Variants in ADGRB3 observed in about 807,000 individuals in gnomAD.
ADGRB3 encodes adhesion G protein-coupled receptor B3.
ADGRB3 carries 37 observed loss-of-function variants against 193.4 expected under a neutral mutation model. The ratio of observed to expected loss-of-function variants is 0.19; its 90% CI spans 0.15 to 0.25. The LOEUF (loss-of-function observed/expected upper bound fraction) is 0.25. Among genes scored for constraint, ADGRB3 ranks in the 10% least tolerant of loss-of-function variants. ADGRB3 has a pLI of 1.00. For missense variants in ADGRB3, 1,637 were observed against 1,852.9 expected (o/e 0.88, Z 2.14); for synonymous variants, 690 against 644.2 (o/e 1.07, Z -1.08).
chr6:68,774,239 T>G (rs1766694742), intron 3 of ADGRB3, among the ~76,000 whole-genome samples: 1 of 152,056 alleles, frequency 6.6e-6, no homozygotes, highest in African/African-American at 2.4e-5. Flanking sequence ...TATTATCAAG[T>G]CTTTGGTTCT....
chr6:69,117,809 G>T (rs1328983856), intron 17 of ADGRB3, among the ~76,000 whole-genome samples: 1 of 152,084 alleles, frequency 6.6e-6, no homozygotes, highest in African/African-American at 2.4e-5. Flanking sequence ...TTACACAGTG[G>T]TCTCCAAAGA....
intron 29 of ADGRB3, among the ~76,000 whole-genome samples, chr6:69,368,046 G>A (rs1050014800): frequency 1.2e-4 from 18 of 151,572 alleles, no homozygotes; most frequent in African/African-American, 4.1e-4. Context: ...CCTAATGCTA[G>A]ATGACGAGTT....
intron 17 of ADGRB3, among the ~76,000 whole-genome samples, chr6:69,078,200 T>C (rs560065845): frequency 6.6e-6 from 1 of 152,110 alleles, no homozygotes; most frequent in South Asian, 2.1e-4. Flanking sequence ...TTAATTTTGG[T>C]TTATCAAGTT....
intron 31 of ADGRB3, among the ~76,000 whole-genome samples, chr6:69,384,960 C>CTTTTTT (rs11397847): frequency 2.1e-5 from 3 of 141,714 alleles, no homozygotes; most frequent in Non-Finnish European, 3.0e-5. Flanking sequence ...CTTTTCTTTT[C>CTTTTTT]TTTTTTTTTT....
At chr6:69,069,141 T>A (rs1280242218) in intron 16 of ADGRB3, among the ~76,000 whole-genome samples, 2 of 152,100 alleles carry the variant, frequency 1.3e-5, no homozygotes, top group Non-Finnish European at 2.9e-5. Context: ...TAAGTATCAT[T>A]TAAAATACTA....
intron 3 of ADGRB3, among the ~76,000 whole-genome samples, chr6:68,897,864 A>AAAAG (rs1348938452): frequency 7.2e-6 from 1 of 138,322 alleles, no homozygotes; most frequent in Non-Finnish European, 1.6e-5. Flanking sequence ...AACAAAAGAA[A>AAAAG]AAAGAAAGAA....
intron 3 of ADGRB3, among the ~76,000 whole-genome samples, chr6:68,655,038 A>G (rs1001971913): frequency 1.3e-5 from 2 of 151,496 alleles, no homozygotes; most frequent in Non-Finnish European, 3.0e-5. Flanking sequence ...TATATTATGT[A>G]TTAATAAATT....
chr6:68,861,671 G>T (rs1004065517), intron 3 of ADGRB3, among the ~76,000 whole-genome samples: 1 of 152,162 alleles, frequency 6.6e-6, no homozygotes, highest in Non-Finnish European at 1.5e-5. Flanking sequence ...AAAATTAACT[G>T]CCTTCAGTTT....
intron 11 of ADGRB3, among the ~76,000 whole-genome samples, chr6:68,997,488 CAA>C (rs748557247): frequency 7.7e-5 from 4 of 52,178 alleles, no homozygotes; most frequent in Middle Eastern, 0.013. Flanking sequence ...ACTAAAAATA[CAA>C]AAAAAAAAAA....
chr6:69,031,301 G>A (rs914810254), intron 13 of ADGRB3, among the ~76,000 whole-genome samples: 1 of 151,250 alleles, frequency 6.6e-6, no homozygotes, highest in African/African-American at 2.4e-5. Context: ...TTAACCGGGC[G>A]CAGTGGTTGG....
chr6:69,268,359 G>T (rs1236827455), intron 20 of ADGRB3, among the ~76,000 whole-genome samples: 1 of 152,136 alleles, frequency 6.6e-6, no homozygotes, highest in Non-Finnish European at 1.5e-5. Context: ...TCCCCTCAAA[G>T]AACCTGCTTC....
intron 20 of ADGRB3, among the ~76,000 whole-genome samples, chr6:69,253,379 T>C (rs542281236): frequency 1.3e-5 from 2 of 152,240 alleles, no homozygotes; most frequent in East Asian, 1.9e-4. Context: ...ATTATATTGA[T>C]TGAATCTTCA....
chr6:68,857,254 A>T (rs961843252), intron 3 of ADGRB3, among the ~76,000 whole-genome samples: 1 of 152,210 alleles, frequency 6.6e-6, no homozygotes, highest in Non-Finnish European at 1.5e-5. Flanking sequence ...CTGTGAGAAG[A>T]GGGCCACTGT....
chr6:68,881,877 A>G (rs955101701), intron 3 of ADGRB3, among the ~76,000 whole-genome samples: 1 of 152,226 alleles, frequency 6.6e-6, no homozygotes, highest in Non-Finnish European at 1.5e-5. Flanking sequence ...AAAATATTGG[A>G]TACATATTTA....
intron 26 of ADGRB3, among the ~76,000 whole-genome samples, chr6:69,341,654 G>C (rs1480465152): frequency 6.6e-6 from 1 of 152,168 alleles, no homozygotes; most frequent in East Asian, 1.9e-4. Flanking sequence ...CAAAGGAGTA[G>C]AAATTAAGAG....
chr6:69,318,032 G>T (rs568152464), intron 20 of ADGRB3, among the ~76,000 whole-genome samples: 2 of 151,452 alleles, frequency 1.3e-5, no homozygotes, highest in Non-Finnish European at 3.0e-5. Flanking sequence ...CTAATAAGGA[G>T]ATATATTATC....
intron 17 of ADGRB3, among the ~76,000 whole-genome samples, chr6:69,078,814 A>G (rs1044064506): frequency 6.6e-6 from 1 of 152,132 alleles, no homozygotes; most frequent in East Asian, 1.9e-4. Context: ...CTTCCTCACT[A>G]GAAAATAAGC....
chr6:68,889,486 CT>C (rs150710780), intron 3 of ADGRB3, among the ~76,000 whole-genome samples: 1 of 140,824 alleles, frequency 7.1e-6, no homozygotes, highest in Non-Finnish European at 1.5e-5. Context: ...ATAAATATTC[CT>C]TTTTTTTCTT....
rs150851888 is a variant in ADGRB3, at chr6:68,688,910, A to G, written c.757+49478A>G. Among the ~76,000 whole-genome samples the G allele has an allele frequency of 2.4e-4, 37 of 152,218 alleles. No individual in the cohort carries two copies. In the East Asian group the frequency reaches 7.2e-3, roughly 29 times the overall value. On this transcript the variant is annotated intron_variant, in intron 3 of 31. Coordinates refer to ENST00000370598, the MANE Select transcript of ADGRB3 (RefSeq NM_001704.3). ...TTAATCCTTGCATTAATGATTCCCC[A>G]TTGTCCTAATCATTTCTTATTTTAC...
Sources: gnomAD v4.1 joint callset for allele counts (sites outside exome capture counted in the v4.1 genomes callset) on GRCh38, gnomAD v4.1.1 for gene constraint, MANE v1.5 for transcripts, NCBI Gene and HGNC (gene_info 2026-07-23, HGNC 2026-07-21) for gene names.